TATDN3: variants seen among roughly 807,000 people sequenced by gnomAD.
The protein encoded by TATDN3 is TatD DNase domain containing 3.
A neutral mutation model predicts 40.1 loss-of-function variants in TATDN3; 29 were observed. The observed-to-expected ratio is 0.72, with a 90% CI of 0.54 to 0.99. The LOEUF is 0.99. Ranked by LOEUF, TATDN3 falls within the 50% of genes least tolerant of loss-of-function variation. The pLI, the probability that TATDN3 is intolerant of heterozygous loss-of-function variation, is 0.00. For synonymous variants in TATDN3, 105 were observed against 117.0 expected (o/e 0.90, Z 0.66); for missense variants, 309 against 321.9 (o/e 0.96, Z 0.31).
intron 7 of TATDN3, among the ~76,000 whole-genome samples, chr1:212,807,264 A>G (rs1421441645): frequency 3.3e-5 from 5 of 151,522 alleles, no homozygotes; most frequent in Non-Finnish European, 7.4e-5. Flanking sequence ...TTATTAGTTT[A>G]TTTTTTGAGA....
chr1:212,806,855 C>CATATGTATATACACATATAT (rs1662555559), intron 7 of TATDN3, among the ~76,000 whole-genome samples: 3 of 82,934 alleles, frequency 3.6e-5, no homozygotes, highest in Non-Finnish European at 6.9e-5. Flanking sequence ...CACATATATA[C>CATATGTATATACACATATAT]ATATGTATAT....
intron 8 of TATDN3, among the ~76,000 whole-genome samples, chr1:212,810,005 C>T (rs1662767546): frequency 6.6e-6 from 1 of 152,068 alleles, no homozygotes; most frequent in Non-Finnish European, 1.5e-5. Flanking sequence ...GCCTGGGCGA[C>T]AGAGACTCCA....
intron 9 of TATDN3, 91 bp from the exon 10 acceptor site, chr1:212,814,922 T>C: frequency 7.1e-7 from 1 of 1,409,796 alleles, no homozygotes; most frequent in Non-Finnish European, 9.5e-7. Flanking sequence ...ATCAGTTGTT[T>C]TTACCAACTC....
At chr1:212,793,900 A>G (rs1469012226) in intron 1 of TATDN3, among the ~76,000 whole-genome samples, 1 of 152,192 alleles carries the variant, frequency 6.6e-6, no homozygotes. Context: ...TGTTTGGGGC[A>G]TATTGGGAAA....
intron 5 of TATDN3, among the ~76,000 whole-genome samples, chr1:212,803,710 A>C (rs1662296874): frequency 6.6e-6 from 1 of 151,626 alleles, no homozygotes; most frequent in African/African-American, 2.4e-5. Context: ...TGTAAAATAC[A>C]CTGTGTATTT....
At chr1:212,804,128 T>C (rs1016127042) in intron 5 of TATDN3, among the ~76,000 whole-genome samples, 192 bp from the exon 6 acceptor site, 2 of 152,224 alleles carry the variant, frequency 1.3e-5, no homozygotes, top group African/African-American at 2.4e-5. Flanking sequence ...TATATTGGGT[T>C]AAAGTATATT....
At chr1:212,796,756 G>C in intron 3 of TATDN3, 166 bp downstream of exon 3, 1 of 524,882 alleles carries the variant, frequency 1.9e-6, no homozygotes, top group South Asian at 4.3e-5. Context: ...TTTTCTTTGA[G>C]AGATGGAGTC....
chr1:212,796,580 CT>C lies in TATDN3; in HGVS notation c.166del (p.Ser56GlnfsTer30). The C allele has an allele frequency of 6.4e-7, 1 of 1,570,816 alleles. No homozygotes were observed. Among genetic ancestry groups the C allele is most frequent in the Middle Eastern group, 1.9e-4 (1 of 5,242 alleles). On this transcript the variant is annotated frameshift_variant, in exon 3 of 10. Transcript: ENST00000366974. LOFTEE classifies it high-confidence loss of function. Reference sequence around the variant, plus strand: ...AGGAGAATTTGAAAAGATTATGCAACTTTCAGAAAGGTGCTACTTTTAATTA... The same window carrying C: ...AGGAGAATTTGAAAAGATTATGCAACTTCAGAAAGGTGCTACTTTTAATTA... ...HSGEFEKIMQ[L>X]SERYNGFVLP...
At chr1:212,805,248 A>C (rs1222533677) in intron 7 of TATDN3, among the ~76,000 whole-genome samples, 1 of 139,742 alleles carries the variant, frequency 7.2e-6, no homozygotes, top group East Asian at 2.2e-4. Context: ...AGGATGAGCC[A>C]CCGTGCCCAC....
intron 1 of TATDN3, among the ~76,000 whole-genome samples, chr1:212,792,204 C>G (rs1215271574): frequency 6.6e-6 from 1 of 152,184 alleles, no homozygotes; most frequent in Non-Finnish European, 1.5e-5. Flanking sequence ...GCTATCTCCA[C>G]AAGGCTTTTG....
At chr1:212,794,327 A>G (rs975474307) in intron 1 of TATDN3, among the ~76,000 whole-genome samples, 1 of 151,666 alleles carries the variant, frequency 6.6e-6, no homozygotes, top group African/African-American at 2.4e-5. Flanking sequence ...TCGATGGCTC[A>G]CACCTGTAGT....
intron 9 of TATDN3, among the ~76,000 whole-genome samples, chr1:212,812,578 C>T (rs1389646412): frequency 6.6e-6 from 1 of 152,176 alleles, no homozygotes; most frequent in East Asian, 1.9e-4. Context: ...GTAAAAAGCA[C>T]AGTGTCTGCA....
rs148557659 is a variant in TATDN3, at chr1:212,797,573, G to C, written c.258+377G>C. The stretch of plus-strand genomic sequence containing the variant: ...CATAAGCATATATTCATAAGGAAAA[G>C]ACTGCAGAGAAAACACAGAAATGAT... On this transcript the variant is annotated intron_variant, in intron 4 of 9. Coordinates refer to ENST00000366974, the MANE Select transcript of TATDN3 (RefSeq NM_001042552.3). 41 of 157,046 alleles carry C rather than the reference G, an allele frequency of 2.6e-4. 1 individual carries two copies. The East Asian group carries it at 7.1e-3, about 27-fold the overall frequency. 9.7% of individuals were successfully genotyped at this position (157,046 alleles called of 1,614,324 possible). A position where few individuals can be genotyped will look rare whatever the true frequency, so the allele number is the denominator to read the frequency against.
At position 212,812,278 on chromosome 1, in the gene TATDN3, A is replaced by C. The variant is rs775339520; in HGVS notation, c.631A>C (p.Thr211Pro). The change falls in exon 9 of 10, where the codon ACT (threonine) becomes CCT (proline). Residue 211 changes from threonine to proline, a missense_variant. Coordinates refer to ENST00000366974, the MANE Select transcript of TATDN3 (RefSeq NM_001042552.3). ...GAAACTTGTGAAACAATTGCCTTTA[A>C]CTTCTATATGCTTAGAAACAGATTC... The part of the protein sequence containing the change: ...KQKLVKQLPL[T>P]SICLETDSPA... 7 of 1,584,356 alleles carry C rather than the reference A, an allele frequency of 4.4e-6. No individual in the cohort carries two copies. The highest frequency in any genetic ancestry group is 4.6e-5 in the East Asian group (2 of 43,744).
chr1:212,798,233 G>A (rs1366639925), intron 4 of TATDN3, among the ~76,000 whole-genome samples: 1 of 151,930 alleles, frequency 6.6e-6, no homozygotes, highest in Admixed American at 6.6e-5. Context: ...GACTAAGGTG[G>A]GAGAATCGTT....
intron 5 of TATDN3, 87 bp downstream of exon 5, chr1:212,802,850 T>G: frequency 1.1e-6 from 1 of 897,318 alleles, no homozygotes; most frequent in Non-Finnish European, 1.8e-6. Context: ...TATTGGTGAT[T>G]ATAACTGACT....
chr1:212,810,398 G>C (rs565873463), intron 8 of TATDN3, among the ~76,000 whole-genome samples: 1 of 150,480 alleles, frequency 6.6e-6, no homozygotes, highest in Admixed American at 6.8e-5. Context: ...TGTAGTCCCA[G>C]CTACTTGGGA....
chr1:212,801,388 A>G (rs1662171189), intron 4 of TATDN3, among the ~76,000 whole-genome samples: 1 of 152,204 alleles, frequency 6.6e-6, no homozygotes, highest in Non-Finnish European at 1.5e-5. Context: ...AATAAGTAAT[A>G]TGAATTATAT....
chr1:212,806,157 T>A (rs1662450925), intron 7 of TATDN3, among the ~76,000 whole-genome samples: 1 of 152,204 alleles, frequency 6.6e-6, no homozygotes, highest in South Asian at 2.1e-4. Context: ...TACCCTTTAA[T>A]AACTGGGGAT....
Sources: gnomAD v4.1 joint callset for allele counts (sites outside exome capture counted in the v4.1 genomes callset) on GRCh38, gnomAD v4.1.1 for gene constraint, MANE v1.5 for transcripts, NCBI Gene and HGNC (gene_info 2026-07-23, HGNC 2026-07-21) for gene names.